Variants in C16orf74 observed in about 807,000 individuals in gnomAD.
C16orf74 encodes the protein uncharacterized protein C16orf74.
Under a neutral mutation model 6.5 loss-of-function variants are expected in C16orf74, and 10 were observed. That is an observed-to-expected ratio of 1.54 (90% CI 0.95 to 2.61). The LOEUF is 2.61. Ranked by LOEUF, C16orf74 falls within the 30% of genes most tolerant of loss-of-function variation. The pLI is 0.00. For synonymous variants in C16orf74, 60 were observed against 42.5 expected, an observed-to-expected ratio of 1.41 and a Z score of -1.60; for missense variants, 141 against 105.9, an observed-to-expected ratio of 1.33 and a Z score of -1.45.
At chr16:85,738,719 G>A (rs2152064770) in intron 1 of C16orf74, among the ~76,000 whole-genome samples, 1 of 152,110 alleles carries the variant, frequency 6.6e-6, no homozygotes, top group Non-Finnish European at 1.5e-5. Context: ...GGGTAGCGGA[G>A]GAGTGGGGCT....
chr16:85,727,948 C>T (rs953701317), intron 2 of C16orf74, among the ~76,000 whole-genome samples: 1 of 130,238 alleles, frequency 7.7e-6, no homozygotes, highest in African/African-American at 3.0e-5. Flanking sequence ...AGCAACAAAG[C>T]GAGACCCCTT....
At chr16:85,729,075 C>T (rs1031494202) in intron 2 of C16orf74, among the ~76,000 whole-genome samples, 4 of 152,292 alleles carry the variant, frequency 2.6e-5, no homozygotes, top group African/African-American at 9.6e-5. Context: ...TTGGCTGTGC[C>T]GCCCTGCTGG....
At chr16:85,709,529 T>TTAA (rs1429461827) in intron 3 of C16orf74, among the ~76,000 whole-genome samples, 1 of 143,594 alleles carries the variant, frequency 7.0e-6, no homozygotes, top group African/African-American at 2.5e-5. Context: ...ATTATTATTA[T>TTAA]TCATAGCAGC....
intron 1 of C16orf74, among the ~76,000 whole-genome samples, chr16:85,747,747 T>A (rs967268720): frequency 3.9e-5 from 6 of 152,028 alleles, no homozygotes; most frequent in African/African-American, 1.2e-4. Flanking sequence ...ACAGCTTGGT[T>A]TTATACATTA....
rs115075383 is a variant in C16orf74 at position 85,741,055 on chromosome 16, T to A, written c.-18-5820A>T. 2.7e-3 allele frequency among the ~76,000 whole-genome samples: 415 copies of A among 152,270 alleles called. 6 individuals are homozygous for A. The highest frequency in any genetic ancestry group is 9.5e-3 in the African/African-American group (395 of 41,548). On this transcript the variant is annotated intron_variant, in intron 1 of 3. Transcript: ENST00000284245. ...AACTCTTCTTTAACTTTGAAACTGC[T>A]TCAAGAAAAAGGCTTAAAAAGGAAA...
intron 2 of C16orf74, among the ~76,000 whole-genome samples, chr16:85,726,246 C>T (rs2054131873): frequency 6.6e-6 from 1 of 152,216 alleles, no homozygotes; most frequent in African/African-American, 2.4e-5. Flanking sequence ...TCCGTCTCTC[C>T]CCCATGGACA....
At chr16:85,741,394 A>C (rs527871888) in intron 1 of C16orf74, among the ~76,000 whole-genome samples, 8 of 152,270 alleles carry the variant, frequency 5.3e-5, no homozygotes, top group Non-Finnish European at 1.0e-4. Context: ...GGAAGGAAGG[A>C]AGGCAGGGAG....
At chr16:85,710,023 G>C in intron 3 of C16orf74, 141 bp downstream of exon 3, 1 of 666,112 alleles carries the variant, frequency 1.5e-6, no homozygotes, top group South Asian at 2.5e-5. Context: ...GTGTACACAG[G>C]TCTGACCATA....
At chr16:85,729,225 A>G (rs1025117531) in intron 2 of C16orf74, among the ~76,000 whole-genome samples, 1 of 152,170 alleles carries the variant, frequency 6.6e-6, no homozygotes, top group Non-Finnish European at 1.5e-5. Context: ...CTGTCTGTAG[A>G]GTTCAGCAGT....
intron 2 of C16orf74, among the ~76,000 whole-genome samples, chr16:85,733,469 G>C (rs1049752319): frequency 1.3e-5 from 2 of 152,206 alleles, no homozygotes; most frequent in African/African-American, 4.8e-5. Context: ...CTGAAGACGG[G>C]TGGGGTGATG....
At chr16:85,747,549 T>G (rs1052676433) in intron 1 of C16orf74, among the ~76,000 whole-genome samples, 5 of 152,068 alleles carry the variant, frequency 3.3e-5, no homozygotes, top group African/African-American at 1.2e-4. Flanking sequence ...GGGGGTGTCC[T>G]GGGGGGCTGA....
At chr16:85,726,211 T>G (rs563587896) in intron 2 of C16orf74, among the ~76,000 whole-genome samples, 193 of 152,236 alleles carry the variant, frequency 1.3e-3, no homozygotes, top group African/African-American at 4.3e-3. Flanking sequence ...GGGTGTGTGT[T>G]TGTTCACACA....
chr16:85,724,806 C>T (rs1447589317), intron 2 of C16orf74, among the ~76,000 whole-genome samples: 2 of 152,174 alleles, frequency 1.3e-5, no homozygotes, highest in Non-Finnish European at 2.9e-5. Flanking sequence ...TCTGTGTGTG[C>T]CAAGTCTTGG....
At chr16:85,717,946 C>T (rs1339182597) in intron 2 of C16orf74, among the ~76,000 whole-genome samples, 1 of 152,212 alleles carries the variant, frequency 6.6e-6, no homozygotes, top group Non-Finnish European at 1.5e-5. Context: ...TGCCCAGGTC[C>T]CTGGGGTCAG....
chr16:85,713,186 G>C (rs1238203261), intron 2 of C16orf74, among the ~76,000 whole-genome samples: 1 of 152,082 alleles, frequency 6.6e-6, no homozygotes, highest in African/African-American at 2.4e-5. Context: ...TGACAATCTG[G>C]CGTTCCTAGG....
chr16:85,720,662 G>T (rs781059250), intron 2 of C16orf74, among the ~76,000 whole-genome samples: 1 of 151,616 alleles, frequency 6.6e-6, no homozygotes, highest in African/African-American at 2.4e-5. Flanking sequence ...TGTAGTCCCA[G>T]CTACCTGGGA....
At chr16:85,747,123 A>G (rs2054383141) in intron 1 of C16orf74, among the ~76,000 whole-genome samples, 1 of 152,212 alleles carries the variant, frequency 6.6e-6, no homozygotes, top group African/African-American at 2.4e-5. Context: ...GACTCACAGC[A>G]AAATACTTGC....
intron 1 of C16orf74, among the ~76,000 whole-genome samples, chr16:85,745,271 G>A (rs1394389600): frequency 6.6e-6 from 1 of 152,008 alleles, no homozygotes; most frequent in Non-Finnish European, 1.5e-5. Context: ...CCCCTCCTGA[G>A]GGGTGGCAAG....
chr16:85,731,743 A>G (rs907886531), intron 2 of C16orf74, among the ~76,000 whole-genome samples: 1 of 151,534 alleles, frequency 6.6e-6, no homozygotes. Context: ...GCTGGAGTGC[A>G]GTGGTGTGAT....
Sources: gnomAD v4.1 joint callset for allele counts (sites outside exome capture counted in the v4.1 genomes callset) on GRCh38, gnomAD v4.1.1 for gene constraint, MANE v1.5 for transcripts, NCBI Gene and HGNC (gene_info 2026-07-23, HGNC 2026-07-21) for gene names.